Variants in ZNF518B observed in about 807,000 individuals in gnomAD.
ZNF518B encodes zinc finger protein 518B.
Under a neutral mutation model 56.3 loss-of-function variants are expected in ZNF518B, and 23 were observed. The observed-to-expected ratio is 0.41, with a 90% CI of 0.29 to 0.58. The LOEUF (loss-of-function observed/expected upper bound fraction) is 0.58, where lower values mean the gene tolerates loss of function less well. Ranked by LOEUF, ZNF518B falls within the 20% of genes least tolerant of loss-of-function variation. The pLI is 0.32. For missense variants in ZNF518B, 1,460 were observed against 1,272.1 expected (o/e 1.15, Z -2.25); for synonymous variants, 529 against 465.9 (o/e 1.14, Z -1.74).
At chr4:10,454,080 C>CT (rs1715431991) in intron 2 of ZNF518B, 1 of 152,254 alleles carries the variant, frequency 6.6e-6, no homozygotes, top group South Asian at 2.1e-4. Context: ...TGCAAACCAC[C>CT]TGATACTACA....
rs772990379 is a variant in ZNF518B at position 10,445,814 on chromosome 4, T to C, written c.515A>G (p.Tyr172Cys). 4.3e-6 allele frequency: 7 copies of C among 1,614,268 alleles called. No individual in the cohort carries two copies. In the Admixed American group the frequency reaches 8.3e-5, roughly 19 times the overall value. ...FICSHCSYISYTKGEFQRHLV... is the reference protein window; with the variant it reads ...FICSHCSYISCTKGEFQRHLV... ...ATGCCTCTGAAACTCTCCTTTCGTA[T>C]ACGAAATGTAGCTGCAGTGAGAACA... is the stretch of plus-strand genomic sequence containing the variant. Residue 172 changes from tyrosine (Y) to cysteine (C), a missense_variant, in exon 3 of 3, where the codon TAT becomes TGT. Transcript: ENST00000326756.
chr4:10,448,028 C>A (rs914250054), intron 2 of ZNF518B, among the ~76,000 whole-genome samples: 1 of 152,300 alleles, frequency 6.6e-6, no homozygotes, highest in East Asian at 1.9e-4. Context: ...AAAATCCATT[C>A]TAGTTTGGAA....
chr4:10,450,533 C>A (rs551292585), intron 2 of ZNF518B, among the ~76,000 whole-genome samples: 93 of 151,094 alleles, frequency 6.2e-4, no homozygotes, highest in African/African-American at 2.2e-3. Flanking sequence ...TACACGTGGA[C>A]ACTCCTGAGG....
At chr4:10,460,718 T>C (rs1292462000), upstream of ZNF518B, among the ~76,000 whole-genome samples, 1 of 152,220 alleles carries the variant, frequency 6.6e-6, no homozygotes, top group Admixed American at 6.5e-5. Context: ...ATGATCATCC[T>C]TTCTCTTGCT....
rs201909475 is a variant in ZNF518B at position 10,443,872 on chromosome 4, C to T, written c.2457G>A (p.Ala819=). The T allele has an allele frequency of 1.3e-5, 21 of 1,614,050 alleles. No homozygotes were observed. The East Asian group carries it at 1.6e-4, about 12-fold the overall frequency. The change falls in exon 3 of 3, where the codon GCG becomes GCA. Residue 819 remains alanine (A), a synonymous_variant. Transcript: ENST00000326756. ...KPVPFCPVRQ[A]DSDLQPLRSE... ...TTCTTAAAGGCTGTAAGTCTGAGTC[C>T]GCCTGTCTCACAGGGCAAAATGGAA... is the stretch of plus-strand genomic sequence containing the variant.
chr4:10,446,880 T>C (rs888807105), intron 2 of ZNF518B, among the ~76,000 whole-genome samples: 3 of 152,232 alleles, frequency 2.0e-5, no homozygotes, highest in African/African-American at 7.2e-5. Flanking sequence ...TATAATTTCA[T>C]ATTACCTTCA....
chr4:10,443,449 C>A lies in ZNF518B; in HGVS notation c.2880G>T (p.Met960Ile). ...DVDSPEVTNV[M>I]KVINKYKGNV... ...TGCCTTTGTATTTATTTATTACCTT[C>A]ATCACATTGGTCACTTCTGGCGAGT... Residue 960 changes from methionine (M) to isoleucine (I), a missense_variant, in exon 3 of 3, where the codon ATG becomes ATT. Transcript: ENST00000326756. The A allele has an allele frequency of 6.2e-7, 1 of 1,614,216 alleles. No homozygotes were observed. Among genetic ancestry groups the A allele is most frequent in the Non-Finnish European group, 8.5e-7 (1 of 1,180,044 alleles).
chr4:10,443,820 G>T lies in ZNF518B; in HGVS notation c.2509C>A (p.Pro837Thr). ...GGCCGCAGAGGTGTCTCGATATTTG[G>T]GGACATATCTATTGGCCCCCTTTCA... is the stretch of plus-strand genomic sequence containing the variant. Reference protein sequence around the residue: ...RSERGPIDMSPNIETPLRPKL... With the variant: ...RSERGPIDMSTNIETPLRPKL... The change falls in exon 3 of 3, where the codon CCA becomes ACA. Residue 837 changes from proline to threonine, a missense_variant. Pro to Thr is a conservative substitution (Grantham distance 38). Transcript: ENST00000326756. 6.2e-7 allele frequency: 1 copy of T among 1,614,168 alleles called. No individual in the cohort carries two copies. Among genetic ancestry groups the T allele is most frequent in the Non-Finnish European group, 8.5e-7 (1 of 1,180,026 alleles).
chr4:10,449,935 T>C (rs1426157037), intron 2 of ZNF518B, among the ~76,000 whole-genome samples: 1 of 152,220 alleles, frequency 6.6e-6, no homozygotes, highest in Non-Finnish European at 1.5e-5. Flanking sequence ...TTTGCCATTT[T>C]TCTCTCTAAG....
rs1335510941 is a variant in ZNF518B at position 10,444,863 on chromosome 4, A to G, written c.1466T>C (p.Val489Ala). 1 of 1,613,936 alleles carries G rather than the reference A, an allele frequency of 6.2e-7. No individual in the cohort carries two copies. The highest frequency in any genetic ancestry group is 1.1e-5 in the South Asian group (1 of 91,060). Reference sequence around the variant, plus strand: ...ACTACGTAAAACACTGTTTTTAAATACAGATGCTAGAGAATGACCTTTTAA... The same window carrying G: ...ACTACGTAAAACACTGTTTTTAAATGCAGATGCTAGAGAATGACCTTTTAA... ...VALKGHSLAS[V>A]FKNSVLRSLG... The change falls in exon 3 of 3, where the codon GTA becomes GCA. Residue 489 changes from valine (V) to alanine (A), a missense_variant. Transcript: ENST00000326756.
Position 10,445,406 on chromosome 4 carries a change from T to C in ZNF518B, c.923A>G (p.Asn308Ser). The stretch of plus-strand genomic sequence containing the variant: ...TAACACTTCTACTTCAACATTTTTG[T>C]TCTCAAATAGGTTGACTTCATTTGG... ...SEPNEVNLFE[N>S]KNVEVEVLSP... The change falls in exon 3 of 3, where the codon AAC becomes AGC. Residue 308 changes from asparagine (N) to serine (S), a missense_variant. Transcript: ENST00000326756. 8.1e-6 allele frequency: 13 copies of C among 1,614,244 alleles called. No homozygotes were observed. Among genetic ancestry groups the C allele is most frequent in the Non-Finnish European group, 1.1e-5 (13 of 1,180,030 alleles).
upstream of ZNF518B, chr4:10,457,514 C>T (rs1437361561): frequency 2.0e-5 from 3 of 152,280 alleles, no homozygotes; most frequent in African/African-American, 4.8e-5. Flanking sequence ...CGCCCGCCCC[C>T]GCCGGGCTTC....
rs771241037 is a variant in ZNF518B, at chr4:10,443,825, A to G, written c.2504T>C (p.Met835Thr). 1.8e-5 allele frequency: 29 copies of G among 1,614,056 alleles called. No individual in the cohort carries two copies. Among genetic ancestry groups the G allele is most frequent in the East Asian group, 6.7e-5 (3 of 44,902 alleles). ...PLRSERGPIDMSPNIETPLRP... is the reference protein window; with the variant it reads ...PLRSERGPIDTSPNIETPLRP... ...CAGAGGTGTCTCGATATTTGGGGAC[A>G]TATCTATTGGCCCCCTTTCACTTCT... Residue 835 changes from methionine to threonine, a missense_variant, in exon 3 of 3, where the codon ATG (methionine) becomes ACG (threonine). Met to Thr is a moderately conservative substitution (Grantham distance 81). Coordinates refer to ENST00000326756, the MANE Select transcript of ZNF518B (RefSeq NM_053042.3).
Position 10,444,531 on chromosome 4 carries a change from T to C in ZNF518B, c.1798A>G (p.Ile600Val), listed in dbSNP as rs1160037095. 4 of 1,614,146 alleles carry C rather than the reference T, an allele frequency of 2.5e-6. No homozygotes were observed. The highest frequency in any genetic ancestry group is 2.2e-5 in the East Asian group (1 of 44,890). ...SSQHKSEYLH[I>V]NITGEDRSQQ... ...GATCTATCTTCTCCAGTTATGTTTA[T>C]ATGTAAATACTCACTCTTATGTTGA... is the stretch of plus-strand genomic sequence containing the variant. The change falls in exon 3 of 3, where the codon ATA (isoleucine) becomes GTA (valine). Residue 600 changes from isoleucine (I) to valine (V), a missense_variant. Transcript: ENST00000326756.
chr4:10,457,965 G>A (rs555272598), upstream of ZNF518B, among the ~76,000 whole-genome samples: 1 of 152,308 alleles, frequency 6.6e-6, no homozygotes, highest in African/African-American at 2.4e-5. Context: ...GGGGAAGGTC[G>A]TATGTGAGGC....
At position 10,443,150 on chromosome 4, in the gene ZNF518B, A is replaced by G. The variant is rs1328876850; in HGVS notation, c.3179T>C (p.Ile1060Thr). 1.5e-5 allele frequency: 24 copies of G among 1,614,168 alleles called. No homozygotes were observed. The highest frequency in any genetic ancestry group is 2.0e-5 in the Non-Finnish European group (24 of 1,180,004). ...AACATCCCAATCTCTAGTTGCTTCT[A>G]TCAAATGCCGTTGGCCATGACTCAT... Reference protein sequence around the residue: ...EWMSHGQRHLIEATRDWDVLS... With the variant: ...EWMSHGQRHLTEATRDWDVLS... Residue 1060 changes from isoleucine to threonine, a missense_variant, in exon 3 of 3, where the codon ATA becomes ACA. Ile to Thr is a moderately conservative substitution (Grantham distance 89). Transcript: ENST00000326756.
intron 2 of ZNF518B, chr4:10,453,687 T>G (rs1376327658): frequency 2.0e-5 from 3 of 152,194 alleles, no homozygotes; most frequent in African/African-American, 7.2e-5. Context: ...ATCAAATGAC[T>G]CCGGGTCTCT....
At chr4:10,449,170 T>G (rs558093965) in intron 2 of ZNF518B, among the ~76,000 whole-genome samples, 1 of 152,174 alleles carries the variant, frequency 6.6e-6, no homozygotes, top group Non-Finnish European at 1.5e-5. Context: ...AGACTGGTGA[T>G]AAGGGGGATC....
rs200846786 is a variant in ZNF518B at position 10,454,818 on chromosome 4, CCTT to C, written c.-228_-226del. On this transcript the variant is annotated 5_prime_UTR_variant, in exon 2 of 3. Coordinates refer to ENST00000326756, the MANE Select transcript of ZNF518B (RefSeq NM_053042.3). ...CACTGTTCTTACTTCCTGCCTGTAGCCTTGGAGTTGCAGATGTAAGTCAAAACC... is the reference window on the plus strand; with the variant it reads ...CACTGTTCTTACTTCCTGCCTGTAGCGGAGTTGCAGATGTAAGTCAAAACC... The C allele has an allele frequency of 0.01, 1,593 of 152,370 alleles. 21 individuals carry two copies. The highest frequency in any genetic ancestry group is 0.016 in the Non-Finnish European group (1,062 of 68,074). The allele number at this position is 152,370 out of a possible 1,614,324, so 9.4% of individuals were successfully genotyped here.
Sources: gnomAD v4.1 joint callset for allele counts (sites outside exome capture counted in the v4.1 genomes callset) on GRCh38, gnomAD v4.1.1 for gene constraint, MANE v1.5 for transcripts, NCBI Gene and HGNC (gene_info 2026-07-23, HGNC 2026-07-21) for gene names.